Variants in CIT observed in about 807,000 individuals in gnomAD.
The protein encoded by CIT is citron rho-interacting serine/threonine kinase.
In CIT, 79 loss-of-function variants were observed where a neutral mutation model predicts 272.7. The ratio of observed to expected loss-of-function variants is 0.29; its 90% CI spans 0.24 to 0.35. The LOEUF (loss-of-function observed/expected upper bound fraction) is 0.35, where lower values mean the gene tolerates loss of function less well. Ranked by LOEUF, CIT falls within the 10% of genes least tolerant of loss-of-function variation. The pLI, the probability that CIT is intolerant of heterozygous loss-of-function variation, is 1.00. For missense variants in CIT, 1,909 were observed against 2,618.3 expected, an observed-to-expected ratio of 0.73 and a Z score of 5.91; for synonymous variants, 948 against 995.6, an observed-to-expected ratio of 0.95 and a Z score of 0.90.
At chr12:119,834,290 A>G (rs1968848433) in intron 5 of CIT, 62 bp from the exon 6 acceptor site, 2 of 1,415,390 alleles carry the variant, frequency 1.4e-6, no homozygotes, top group Admixed American at 4.4e-5. Flanking sequence ...TGCCTCAATT[A>G]GATCCTCGAA....
In CIT at chr12:119,694,296, G is replaced by A. The variant is rs1956109713; in HGVS notation, c.5882+3363C>T. ...CTCAGCATGTAAAATGACGTAAGGA[G>A]AAAGTCATTTATTGCAGCAACAGAT... On this transcript the variant is annotated intron_variant, in intron 46 of 47. Coordinates refer to ENST00000392521, the MANE Select transcript of CIT (RefSeq NM_001206999.2). The surrounding 1 kb of genome is among the most constrained non-coding windows in gnomAD (Gnocchi z 4.5). 6.6e-6 allele frequency among the ~76,000 whole-genome samples: 1 copy of A among 152,188 alleles called. No homozygotes were observed. Among genetic ancestry groups the A allele is most frequent in the Non-Finnish European group, 1.5e-5 (1 of 68,038 alleles).
chr12:119,723,102 T>A (rs1047829846), intron 28 of CIT, among the ~76,000 whole-genome samples: 2 of 151,808 alleles, frequency 1.3e-5, no homozygotes, highest in African/African-American at 4.8e-5. Flanking sequence ...TTGGCCCGTG[T>A]GCGTAATCTG....
chr12:119,708,373 C>A lies in CIT; in HGVS notation c.5072-55G>T, dbSNP rs191606423. On this transcript the variant is annotated intron_variant, in intron 39 of 47. Coordinates refer to ENST00000392521, the MANE Select transcript of CIT (RefSeq NM_001206999.2). ...AGTGTGAAGCCGTTAAGTAAAGGTA[C>A]GGGATGGTGGTTCTAGTTCTAGTCA... 4.8e-3 allele frequency: 6,910 copies of A among 1,430,000 alleles called. 20 individuals are homozygous for A. Among genetic ancestry groups the A allele is most frequent in the Non-Finnish European group, 6.0e-3 (6,507 of 1,081,912 alleles). The allele number at this position is 1,430,000 out of a possible 1,614,324, so 88.6% of individuals were successfully genotyped here. A position where few individuals can be genotyped will look rare whatever the true frequency, so the allele number is the denominator to read the frequency against.
At chr12:119,870,549 CAA>C (rs57894300) in intron 2 of CIT, among the ~76,000 whole-genome samples, 2,451 of 52,270 alleles carry the variant, frequency 0.047, 49 homozygotes, top group African/African-American at 0.16. Context: ...GACTCCCTCT[CAA>C]AAAAAAAAAA....
intron 40 of CIT, among the ~76,000 whole-genome samples, chr12:119,704,870 G>T (rs937272723): frequency 6.6e-6 from 1 of 152,192 alleles, no homozygotes; most frequent in Non-Finnish European, 1.5e-5. Flanking sequence ...CAGAATGAGG[G>T]AAGGGAGAGG....
intron 1 of CIT, among the ~76,000 whole-genome samples, chr12:119,876,764 G>A (rs1190545603): frequency 6.6e-6 from 1 of 152,146 alleles, no homozygotes; most frequent in Non-Finnish European, 1.5e-5. Flanking sequence ...CAAGCCAAAA[G>A]CACTGAGGCA....
chr12:119,764,538 C>A (rs554801226), intron 19 of CIT, among the ~76,000 whole-genome samples: 1 of 151,338 alleles, frequency 6.6e-6, no homozygotes, highest in African/African-American at 2.4e-5. Flanking sequence ...ATTGCTTAAG[C>A]CCAGGTTGCA....
chr12:119,832,613 G>T (rs1968718443), intron 7 of CIT, among the ~76,000 whole-genome samples, 158 bp downstream of exon 7: 1 of 152,126 alleles, frequency 6.6e-6, no homozygotes, highest in Non-Finnish European at 1.5e-5. Flanking sequence ...AGGTGCCACG[G>T]TCTGGGAAAT....
intron 9 of CIT, 105 bp from the exon 10 acceptor site, chr12:119,803,494 G>T: frequency 1.3e-6 from 1 of 753,144 alleles, no homozygotes. Context: ...GCTGGCGATG[G>T]CACTGCAGCG....
rs1294755453 is a variant in CIT at position 119,710,088 on chromosome 12, A to G, written c.5071+163T>C. 6.6e-6 allele frequency among the ~76,000 whole-genome samples: 1 copy of G among 152,208 alleles called. No individual in the cohort carries two copies. The highest frequency in any genetic ancestry group is 1.5e-5 in the Non-Finnish European group (1 of 68,034). ...TACTGGAAGGGAACTGAATCTGGAC[A>G]GAGGGGGTCCATTAGCTGAGGCTTG... On this transcript the variant is annotated intron_variant, in intron 39 of 47. Coordinates refer to ENST00000392521, the MANE Select transcript of CIT (RefSeq NM_001206999.2). This position sits in a 1 kb window ranked among gnomAD's most constrained non-coding sequence, Gnocchi z 5.6.
chr12:119,779,145 G>A (rs1964059631), intron 13 of CIT, among the ~76,000 whole-genome samples: 1 of 152,066 alleles, frequency 6.6e-6, no homozygotes, highest in Non-Finnish European at 1.5e-5. Context: ...GCTTGAACCT[G>A]GGAGGCAGAG....
intron 7 of CIT, among the ~76,000 whole-genome samples, chr12:119,832,219 A>G (rs894333248): frequency 3.3e-5 from 5 of 152,168 alleles, no homozygotes; most frequent in African/African-American, 9.7e-5. Flanking sequence ...TCTTTTTCCT[A>G]AAGTAGTCTC....
intron 23 of CIT, among the ~76,000 whole-genome samples, chr12:119,746,853 T>A (rs527332832): frequency 5.3e-5 from 8 of 152,318 alleles, no homozygotes; most frequent in African/African-American, 1.9e-4. Context: ...ACTACTGAAC[T>A]AGTCACAGTA....
intron 24 of CIT, among the ~76,000 whole-genome samples, chr12:119,738,983 GAGA>G (rs994500709): frequency 2.0e-5 from 3 of 151,874 alleles, no homozygotes; most frequent in Non-Finnish European, 4.4e-5. Flanking sequence ...TCATGGTTCT[GAGA>G]AGAAGATGTG....
chr12:119,875,986 TAAAC>T (rs1375139277), intron 2 of CIT, 83 bp downstream of exon 2: 5 of 840,022 alleles, frequency 6.0e-6, no homozygotes, highest in Non-Finnish European at 9.8e-6. Context: ...TCTAAATAAA[TAAAC>T]AAATAAATAA....
rs73418525 is a variant in CIT at position 119,804,586 on chromosome 12, T to C, written c.1112-1197A>G. The C allele has an allele frequency of 6.6e-3, 4,563 of 687,042 alleles. 174 individuals carry two copies. In the African/African-American group the frequency reaches 0.084, roughly 13 times the overall value. The allele number at this position is 687,042 out of a possible 1,614,324, so 42.6% of individuals were successfully genotyped here. ...TTCACAGCCCAGACTTCTTTTTAAC[T>C]CCTCGTTTTCTGGACAAAGCTGGGT... is the stretch of plus-strand genomic sequence containing the variant. On this transcript the variant is annotated intron_variant, in intron 9 of 47. Coordinates refer to ENST00000392521, the MANE Select transcript of CIT (RefSeq NM_001206999.2). This position sits in a 1 kb window ranked among gnomAD's most constrained non-coding sequence, Gnocchi z 5.3.
At chr12:119,709,787 AGTGTGT>A (rs150206566) in intron 39 of CIT, among the ~76,000 whole-genome samples, 15,081 of 107,202 alleles carry the variant, frequency 0.14, 1,064 homozygotes, top group East Asian at 0.17. Context: ...AGAGAGAGAG[AGTGTGT>A]GTGTGTGTGT....
rs1172226718 is a variant in CIT, at chr12:119,767,079, G to A, written c.2304+8C>T. On this transcript the variant is annotated splice_region_variant and intron_variant, in intron 19 of 47. Coordinates refer to ENST00000392521, the MANE Select transcript of CIT (RefSeq NM_001206999.2). Reference sequence around the variant, plus strand: ...GCAAGGCCAGGGAAGATCAGAAAATGTCTTTACTTTAATCTTTTCCTCATA... The same window carrying A: ...GCAAGGCCAGGGAAGATCAGAAAATATCTTTACTTTAATCTTTTCCTCATA... 3.1e-6 allele frequency: 5 copies of A among 1,604,132 alleles called. No homozygotes were observed. Among genetic ancestry groups the A allele is most frequent in the Admixed American group, 1.7e-5 (1 of 59,242 alleles).
chr12:119,735,560 A>G (rs1331961475), intron 24 of CIT, among the ~76,000 whole-genome samples: 23 of 152,172 alleles, frequency 1.5e-4, no homozygotes, highest in African/African-American at 2.4e-5. Context: ...GAAGAAAAAG[A>G]CTCAGTTTCT....
Sources: gnomAD v4.1 joint callset for allele counts (sites outside exome capture counted in the v4.1 genomes callset) on GRCh38, gnomAD v4.1.1 for gene constraint, Gnocchi (gnomAD v3.1) non-coding constraint, MANE v1.5 for transcripts, NCBI Gene and HGNC (gene_info 2026-07-23, HGNC 2026-07-21) for gene names.